The following CRISPLD1 variants were observed in gnomAD, a reference collection of about 807,000 sequenced individuals.
The protein encoded by CRISPLD1 is cysteine rich secretory protein LCCL domain containing 1.
Under a neutral mutation model 77.5 loss-of-function variants are expected in CRISPLD1, and 60 were observed. That is an observed-to-expected ratio of 0.77 (90% CI 0.63 to 0.96). The LOEUF is 0.96. Among genes scored for constraint, CRISPLD1 ranks in the 40% least tolerant of loss-of-function variants. CRISPLD1 has a pLI of 0.00. For missense variants in CRISPLD1, 623 were observed against 615.8 expected, an observed-to-expected ratio of 1.01 and a Z score of -0.12; for synonymous variants, 195 against 200.1, an observed-to-expected ratio of 0.97 and a Z score of 0.22.
At chr8:75,022,859 T>G (rs1287091695) in intron 12 of CRISPLD1, among the ~76,000 whole-genome samples, 1 of 151,960 alleles carries the variant, frequency 6.6e-6, no homozygotes, top group Non-Finnish European at 1.5e-5. Context: ...GTAGAACAAT[T>G]CAAAATAAAC....
intron 2 of CRISPLD1, among the ~76,000 whole-genome samples, chr8:74,995,058 A>C (rs1812625873): frequency 6.6e-6 from 1 of 152,158 alleles, no homozygotes; most frequent in Non-Finnish European, 1.5e-5. Context: ...AGGACCCACC[A>C]CCATTTAAGT....
At position 75,022,383 on chromosome 8, in the gene CRISPLD1, G is replaced by A. The variant is rs577911313; in HGVS notation, c.1244+2304G>A. Among the ~76,000 whole-genome samples the A allele has an allele frequency of 8.4e-4, 128 of 151,946 alleles. 1 individual carries two copies. Among genetic ancestry groups the A allele is most frequent in the Middle Eastern group, 3.4e-3 (1 of 292 alleles). ...GGGTGGATCACGAGGTCAGGAGATCGAGACCATCCTGGCTAACACGATGAT... is the reference window on the plus strand; with the variant it reads ...GGGTGGATCACGAGGTCAGGAGATCAAGACCATCCTGGCTAACACGATGAT... On this transcript the variant is annotated intron_variant, in intron 12 of 14. Transcript: ENST00000262207.
In CRISPLD1 at chr8:75,029,472, GA is replaced by G. The variant is rs1371993230; in HGVS notation, c.1409del (p.Lys470ArgfsTer56). On this transcript the variant is annotated frameshift_variant, in exon 14 of 15. Transcript: ENST00000262207. LOFTEE classifies it high-confidence loss of function. ...GTTGATGTAATGCCTGTGGACAAAA[GA>G]AAGACCTACATTGCTTCTTTTCAGA... The part of the protein sequence containing the change: ...GYVDVMPVDK[R>X]KTYIASFQNG... 10 of 1,613,650 alleles carry G rather than the reference GA, an allele frequency of 6.2e-6. No individual in the cohort carries two copies. Among genetic ancestry groups the G allele is most frequent in the Non-Finnish European group, 7.6e-6 (9 of 1,179,772 alleles).
chr8:75,020,393 G>A (rs748196186), intron 12 of CRISPLD1, among the ~76,000 whole-genome samples: 15 of 152,162 alleles, frequency 9.9e-5, no homozygotes, highest in Non-Finnish European at 1.9e-4. Flanking sequence ...TAAACATGAG[G>A]AATTTATTTC....
At chr8:74,991,705 T>G (rs375466510) in intron 2 of CRISPLD1, among the ~76,000 whole-genome samples, 44 of 152,238 alleles carry the variant, frequency 2.9e-4, no homozygotes, top group African/African-American at 9.6e-4. Context: ...TAATTTTTTA[T>G]TTTTAGTAAA....
intron 3 of CRISPLD1, 103 bp from the exon 4 acceptor site, chr8:75,012,787 C>T: frequency 1.3e-5 from 17 of 1,336,546 alleles, no homozygotes; most frequent in Non-Finnish European, 1.6e-5. Context: ...ATAGTTTACG[C>T]CAAAGTGTCT....
chr8:75,020,103 G>T (rs1158555284), intron 12 of CRISPLD1, 24 bp downstream of exon 12: 4 of 1,593,184 alleles, frequency 2.5e-6, no homozygotes, highest in Admixed American at 1.7e-5. Context: ...CACATAGGGG[G>T]CTTTGGCCCT....
chr8:75,013,453 AGATT>A (rs1812971187), intron 4 of CRISPLD1, among the ~76,000 whole-genome samples: 1 of 152,136 alleles, frequency 6.6e-6, no homozygotes, highest in African/African-American at 2.4e-5. Flanking sequence ...AACTAAAGGC[AGATT>A]GATAAAGCTC....
intron 2 of CRISPLD1, among the ~76,000 whole-genome samples, chr8:74,991,785 C>T (rs944710258): frequency 6.6e-6 from 1 of 152,138 alleles, no homozygotes; most frequent in African/African-American, 2.4e-5. Context: ...CCACCTCAGC[C>T]TCCCAAAGTG....
Position 74,994,545 on chromosome 8 carries a change from C to G in CRISPLD1, c.258+8300C>G, listed in dbSNP as rs537205402. ...TCTCTGGTCACCCATTTTACCCACA[C>G]AATTTCAAGAGATTAGAGGAGGTGG... On this transcript the variant is annotated intron_variant, in intron 2 of 14. Coordinates refer to ENST00000262207, the MANE Select transcript of CRISPLD1 (RefSeq NM_031461.6). 2.9e-4 allele frequency among the ~76,000 whole-genome samples: 44 copies of G among 152,294 alleles called. 1 individual carries two copies. The South Asian group carries it at 8.9e-3, about 31-fold the overall frequency.
In CRISPLD1 at chr8:75,016,954, A is replaced by G. The variant is rs1813040970; in HGVS notation, c.929+13A>G. The G allele has an allele frequency of 1.3e-6, 2 of 1,525,216 alleles. No individual in the cohort carries two copies. Among genetic ancestry groups the G allele is most frequent in the Non-Finnish European group, 1.8e-6 (2 of 1,126,824 alleles). 94.5% of individuals were successfully genotyped at this position (1,525,216 alleles called of 1,614,324 possible). On this transcript the variant is annotated intron_variant, in intron 8 of 14. Coordinates refer to ENST00000262207, the MANE Select transcript of CRISPLD1 (RefSeq NM_031461.6). ...CAACCTGCAATAGGTAATATTTGTT[A>G]TTATTTTGAAAATTAATTGAATATA...
At chr8:75,015,696 T>C (rs28603348) in intron 6 of CRISPLD1, among the ~76,000 whole-genome samples, 64,195 of 151,812 alleles carry the variant, frequency 0.42, 16,090 homozygotes, top group African/African-American at 0.71. Flanking sequence ...CCCTTAATGA[T>C]GCATTAACTA....
intron 2 of CRISPLD1, among the ~76,000 whole-genome samples, chr8:74,994,354 G>A (rs1587005643): frequency 6.6e-6 from 1 of 152,356 alleles, no homozygotes; most frequent in East Asian, 1.9e-4. Context: ...CCAGCCAGTA[G>A]GCTGGGATTT....
At chr8:75,013,051 C>T (rs1415552313) in intron 4 of CRISPLD1, 29 bp downstream of exon 4, 6 of 1,473,762 alleles carry the variant, frequency 4.1e-6, no homozygotes, top group African/African-American at 1.4e-5. Context: ...ATACTTAATT[C>T]CCCCAAATTG....
chr8:75,018,766 A>T (rs776834918), intron 10 of CRISPLD1, among the ~76,000 whole-genome samples: 9 of 151,620 alleles, frequency 5.9e-5, no homozygotes, highest in African/African-American at 9.7e-5. Context: ...AATTTTTGTT[A>T]TTTTTAGTAG....
intron 2 of CRISPLD1, among the ~76,000 whole-genome samples, chr8:74,987,434 G>A (rs1013302828): frequency 2.6e-5 from 4 of 152,140 alleles, no homozygotes; most frequent in Non-Finnish European, 4.4e-5. Context: ...TCACCTCAAA[G>A]GATTATTGTG....
intron 2 of CRISPLD1, chr8:75,000,085 C>T: frequency 1.1e-6 from 1 of 946,678 alleles, no homozygotes; most frequent in Non-Finnish European, 1.3e-6. Flanking sequence ...CAGGAGTGAA[C>T]ATGGGAGTTA....
chr8:74,989,773 T>G (rs1812545631), intron 2 of CRISPLD1, among the ~76,000 whole-genome samples: 1 of 152,214 alleles, frequency 6.6e-6, no homozygotes, highest in Admixed American at 6.5e-5. Context: ...ATTTTTGTGT[T>G]AGTTGCATTT....
At chr8:75,000,935 G>A (rs1812729587) in intron 2 of CRISPLD1, among the ~76,000 whole-genome samples, 1 of 152,022 alleles carries the variant, frequency 6.6e-6, no homozygotes, top group Non-Finnish European at 1.5e-5. Flanking sequence ...ATTCTGTCTT[G>A]ACAAAATAGT....
Sources: allele counts gnomAD v4.1 joint callset (sites outside exome capture counted in the v4.1 genomes callset), GRCh38; gene constraint gnomAD v4.1.1; transcripts MANE v1.5; gene names NCBI Gene and HGNC (gene_info 2026-07-23, HGNC 2026-07-21).